Variants in DYM observed in about 807,000 individuals in gnomAD.
DYM encodes the protein dyggve-Melchior-Clausen syndrome protein.
Under a neutral mutation model 93.1 loss-of-function variants are expected in DYM, and 78 were observed. That is an observed-to-expected ratio of 0.84 (90% CI 0.70 to 1.01). The LOEUF is 1.01. DYM is among the 50% of genes least tolerant of loss of function. DYM has a pLI of 0.00. For missense variants in DYM, 789 were observed against 845.0 expected (o/e 0.93, Z 0.82); for synonymous variants, 321 against 319.7 (o/e 1.00, Z -0.04).
intron 13 of DYM, among the ~76,000 whole-genome samples, chr18:49,210,884 G>A (rs2092748081): frequency 6.6e-6 from 1 of 152,150 alleles, no homozygotes; most frequent in Non-Finnish European, 1.5e-5. Context: ...TACTCACTGG[G>A]AGAAAAGTCT....
At chr18:49,196,920 T>C (rs1386208255) in intron 14 of DYM, among the ~76,000 whole-genome samples, 1 of 151,998 alleles carries the variant, frequency 6.6e-6, no homozygotes, top group Non-Finnish European at 1.5e-5. Flanking sequence ...TGACTGGCAG[T>C]GGTAACAGAG....
intron 2 of DYM, among the ~76,000 whole-genome samples, chr18:49,410,113 T>C (rs1036190055): frequency 2.0e-5 from 3 of 152,220 alleles, no homozygotes; most frequent in Non-Finnish European, 4.4e-5. Context: ...TTCCCAAGGC[T>C]GGATTACAGT....
chr18:49,127,322 A>G (rs1342310741), intron 15 of DYM, among the ~76,000 whole-genome samples: 2 of 152,222 alleles, frequency 1.3e-5, no homozygotes, highest in African/African-American at 4.8e-5. Flanking sequence ...GCGAAGTAGT[A>G]ATTTCATATC....
chr18:49,381,715 T>C (rs1208750997), intron 3 of DYM, among the ~76,000 whole-genome samples: 1 of 152,210 alleles, frequency 6.6e-6, no homozygotes, highest in Non-Finnish European at 1.5e-5. Context: ...GGCTGGAGAA[T>C]CCCACTGTGA....
intron 3 of DYM, among the ~76,000 whole-genome samples, chr18:49,380,555 C>T (rs1020180607): frequency 9.9e-5 from 15 of 152,224 alleles, no homozygotes; most frequent in Admixed American, 9.2e-4. Context: ...GAGGTTGTTA[C>T]TTGCTCAAGG....
intron 17 of DYM, among the ~76,000 whole-genome samples, chr18:49,094,670 C>A (rs1374994734): frequency 6.6e-6 from 1 of 152,156 alleles, no homozygotes; most frequent in Non-Finnish European, 1.5e-5. Context: ...TTTTAGAAGG[C>A]TATGTCAAAT....
intron 6 of DYM, among the ~76,000 whole-genome samples, chr18:49,360,530 G>A (rs2065929101): frequency 2.0e-5 from 3 of 151,972 alleles, no homozygotes; most frequent in South Asian, 2.1e-4. Flanking sequence ...GCTGAGGCAG[G>A]AGAATCGCTT....
intron 14 of DYM, among the ~76,000 whole-genome samples, chr18:49,192,800 T>C (rs1041793301): frequency 3.9e-5 from 6 of 152,188 alleles, no homozygotes; most frequent in East Asian, 1.9e-4. Flanking sequence ...TATTTTTCTA[T>C]ATGTATGAGA....
At chr18:49,060,381 T>A (rs1318571019) in intron 17 of DYM, among the ~76,000 whole-genome samples, 3 of 152,032 alleles carry the variant, frequency 2.0e-5, no homozygotes, top group Non-Finnish European at 4.4e-5. Flanking sequence ...CCTACAGTGC[T>A]GGTGCGGATG....
intron 17 of DYM, among the ~76,000 whole-genome samples, chr18:49,057,994 G>A: frequency 6.6e-6 from 1 of 152,262 alleles, no homozygotes; most frequent in South Asian, 2.1e-4. Flanking sequence ...GAGAGGCCCA[G>A]TGAGGGCCAG....
chr18:49,372,603 G>C (rs1323450765), intron 5 of DYM, among the ~76,000 whole-genome samples: 4 of 152,128 alleles, frequency 2.6e-5, no homozygotes, highest in African/African-American at 7.2e-5. Flanking sequence ...AAATTAGCCA[G>C]GCATGGTGGC....
chr18:49,070,072 A>G (rs977514538), intron 17 of DYM, among the ~76,000 whole-genome samples: 2 of 152,180 alleles, frequency 1.3e-5, no homozygotes, highest in African/African-American at 4.8e-5. Context: ...CAAAACTTGT[A>G]TCAAGCAAAG....
At chr18:49,239,636 C>T (rs1184321430) in intron 13 of DYM, among the ~76,000 whole-genome samples, 1 of 152,196 alleles carries the variant, frequency 6.6e-6, no homozygotes, top group Non-Finnish European at 1.5e-5. Flanking sequence ...AGCTTCATAG[C>T]AAGGTCACAA....
At chr18:49,097,563 AT>A in intron 16 of DYM, 48 bp from the exon 17 acceptor site, 2 of 1,500,446 alleles carry the variant, frequency 1.3e-6, no homozygotes, top group Non-Finnish European at 9.2e-7. Flanking sequence ...TATGAAATGT[AT>A]TTTTAGTAGC....
chr18:49,400,129 C>T (rs1158049980), intron 2 of DYM, among the ~76,000 whole-genome samples: 5 of 151,482 alleles, frequency 3.3e-5, no homozygotes, highest in African/African-American at 7.3e-5. Context: ...TTAGTAGAGA[C>T]GACGTTTCAC....
intron 11 of DYM, among the ~76,000 whole-genome samples, chr18:49,263,572 T>TA (rs1021668809): frequency 2.0e-5 from 3 of 150,906 alleles, no homozygotes; most frequent in African/African-American, 4.9e-5. Flanking sequence ...CTACTAAAAA[T>TA]AAAAAAAACT....
chr18:49,316,398 C>T (rs62104615), intron 8 of DYM, among the ~76,000 whole-genome samples: 30,071 of 152,000 alleles, frequency 0.2, 3,038 homozygotes, highest in East Asian at 0.27. Context: ...AAACTGAAGG[C>T]CTCCATCAAA....
At chr18:49,075,656 G>A (rs1599551337) in intron 17 of DYM, among the ~76,000 whole-genome samples, 1 of 152,276 alleles carries the variant, frequency 6.6e-6, no homozygotes, top group East Asian at 1.9e-4. Flanking sequence ...TTTGATGGTG[G>A]GGGTAGTAGA....
intron 1 of DYM, among the ~76,000 whole-genome samples, chr18:49,441,037 TATAA>T (rs1404321771): frequency 3.6e-4 from 3 of 8,344 alleles, no homozygotes; most frequent in African/African-American, 9.2e-4. Flanking sequence ...ATATATAATA[TATAA>T]ATATATAATA....
Sources: allele counts gnomAD v4.1 joint callset (sites outside exome capture counted in the v4.1 genomes callset), GRCh38; gene constraint gnomAD v4.1.1; transcripts MANE v1.5; gene names NCBI Gene and HGNC (gene_info 2026-07-23, HGNC 2026-07-21).